Variants in ABCG5 observed in about 807,000 individuals in gnomAD.
ABCG5 encodes ATP-binding cassette sub-family G member 5.
In ABCG5, 64 loss-of-function variants were observed where a neutral mutation model predicts 64.5. That is an observed-to-expected ratio of 0.99 (90% CI 0.81 to 1.22). The LOEUF (loss-of-function observed/expected upper bound fraction) is 1.22, where lower values mean the gene tolerates loss of function less well. ABCG5 is among the 50% of genes most tolerant of loss of function. The pLI, the probability that ABCG5 is intolerant of heterozygous loss-of-function variation, is 0.00. For missense variants in ABCG5, 908 were observed against 829.5 expected (o/e 1.09, Z -1.16); for synonymous variants, 385 against 326.3 (o/e 1.18, Z -1.94).
At position 43,820,034 on chromosome 2, in the gene ABCG5, G is replaced by C. The variant is rs769366950; in HGVS notation, c.1530C>G (p.His510Gln). The stretch of plus-strand genomic sequence containing the variant: ...CAAGAGTTAGAAATTCACCAATTAA[G>C]TGGGGGGCCAAGAGAGCAGCAGAAA... ...GYFSAALLAPHLIGEFLTLVL... is the reference protein window; with the variant it reads ...GYFSAALLAPQLIGEFLTLVL... The change falls in exon 11 of 13, where the codon CAC (histidine) becomes CAG (glutamine). Residue 510 changes from histidine to glutamine, a missense_variant. His to Gln is a conservative substitution (Grantham distance 24). Transcript: ENST00000405322. 1 of 1,614,208 alleles carries C rather than the reference G, an allele frequency of 6.2e-7. No homozygotes were observed. Among genetic ancestry groups the C allele is most frequent in the Non-Finnish European group, 8.5e-7 (1 of 1,180,046 alleles).
chr2:43,810,054 T>C, downstream of ABCG5: 1 of 749,420 alleles, frequency 1.3e-6, no homozygotes, highest in Non-Finnish European at 1.7e-6. Flanking sequence ...TATAAGTTTC[T>C]GCTTATATGT....
chr2:43,839,035 T>A (rs3806471), upstream of ABCG5: 12 of 1,550,232 alleles, frequency 7.7e-6, 1 homozygote, highest in South Asian at 1.3e-4. Context: ...CAGCCCAGGG[T>A]CACAGACCTG....
chr2:43,819,865 A>T (rs368511579), intron 11 of ABCG5, 50 bp downstream of exon 11: 2 of 1,585,642 alleles, frequency 1.3e-6, no homozygotes, highest in Admixed American at 3.3e-5. Flanking sequence ...TTAGGTGATC[A>T]TTAATAACAG....
intron 11 of ABCG5, among the ~76,000 whole-genome samples, chr2:43,817,607 C>G (rs1246064030): frequency 6.6e-6 from 1 of 151,840 alleles, no homozygotes; most frequent in East Asian, 2.0e-4. Flanking sequence ...TGAAAATATT[C>G]TAAGTTAAAA....
chr2:43,838,969 G>A (rs1668455152), upstream of ABCG5: 12 of 1,444,818 alleles, frequency 8.3e-6, no homozygotes, highest in Non-Finnish European at 1.0e-5. The surrounding 1 kb of genome is among the most constrained non-coding windows in gnomAD (Gnocchi z 4.2). Context: ...CCCTGCTCCA[G>A]GAAACAGAGT....
chr2:43,839,012 T>C (rs917064382), upstream of ABCG5: 5 of 1,544,078 alleles, frequency 3.2e-6, no homozygotes, highest in African/African-American at 5.5e-5. Flanking sequence ...AGCAGCTGGG[T>C]CTAAGAGAGC....
chr2:43,815,110 G>C (rs988277406), intron 11 of ABCG5, among the ~76,000 whole-genome samples: 1 of 152,158 alleles, frequency 6.6e-6, no homozygotes, highest in Non-Finnish European at 1.5e-5. Context: ...TAAACAGAAA[G>C]TTGAAGGTAC....
intron 8 of ABCG5, 42 bp from the exon 9 acceptor site, chr2:43,824,160 T>C: frequency 6.2e-7 from 1 of 1,614,112 alleles, no homozygotes; most frequent in East Asian, 2.2e-5. Context: ...TTCAGAATTG[T>C]TATTGGGGGA....
chr2:43,824,233 C>T lies in ABCG5; in HGVS notation c.1104G>A (p.Leu368=). The part of the protein sequence containing the change: ...TKDSPGVFSK[L]GVLLRRVTRN... Reference sequence around the variant, plus strand: ...GAGCCTCTTACCTCAGGAGAACACCCAGTTTAGAGAAAACTCCAGGAGAAT... The same window carrying T: ...GAGCCTCTTACCTCAGGAGAACACCTAGTTTAGAGAAAACTCCAGGAGAAT... Residue 368 remains leucine, a synonymous_variant, in exon 8 of 13, where the codon CTG becomes CTA. Transcript: ENST00000405322. The T allele has an allele frequency of 6.2e-7, 1 of 1,614,206 alleles. No homozygotes were observed.
chr2:43,830,778 G>T (rs1314934376), intron 4 of ABCG5, among the ~76,000 whole-genome samples: 1 of 152,246 alleles, frequency 6.6e-6, no homozygotes, highest in Admixed American at 6.5e-5. Context: ...AGTCTAGAGA[G>T]AAATGAAGCA....
In ABCG5 at chr2:43,821,203, A is replaced by G. The variant is rs149202927; in HGVS notation, c.1464-1103T>C. Among the ~76,000 whole-genome samples the G allele has an allele frequency of 2.4e-3, 372 of 152,254 alleles. 7 individuals are homozygous for G. The highest frequency in any genetic ancestry group is 0.024 in the South Asian group (117 of 4,822). On this transcript the variant is annotated intron_variant, in intron 10 of 12. Coordinates refer to ENST00000405322, the MANE Select transcript of ABCG5 (RefSeq NM_022436.3). ...ATCATGAAGTTTGCTTATGCTATCA[A>G]TGCCGTTCCTCATTGTTGTCTTCTG... is the stretch of plus-strand genomic sequence containing the variant.
At chr2:43,827,240 G>A (rs572197606) in intron 5 of ABCG5, among the ~76,000 whole-genome samples, 4 of 151,288 alleles carry the variant, frequency 2.6e-5, no homozygotes, top group East Asian at 1.9e-4. Context: ...CAGGAGAATC[G>A]CTTCAACCTG....
chr2:43,829,569 T>G (rs891600961), intron 4 of ABCG5, among the ~76,000 whole-genome samples: 20 of 152,236 alleles, frequency 1.3e-4, no homozygotes, highest in Non-Finnish European at 5.9e-5. Flanking sequence ...TTGGCTTTTT[T>G]CCTCCCTCAC....
At position 43,824,904 on chromosome 2, in the gene ABCG5, G is replaced by T; in HGVS notation, c.889C>A (p.Pro297Thr). The stretch of plus-strand genomic sequence containing the variant: ...AAAAACTTACTATAGAAGTCAAAAG[G>T]GTTTGAATGTTCAGGACAAGGGTAA... ...CGYPCPEHSN[P>T]FDFYMDLTSV... The change falls in exon 7 of 13, where the codon CCT becomes ACT. Residue 297 changes from proline to threonine, a missense_variant. Physicochemically the swap from Pro to Thr is conservative, Grantham distance 38. Transcript: ENST00000405322. 2 of 1,613,964 alleles carry T rather than the reference G, an allele frequency of 1.2e-6. No homozygotes were observed. The highest frequency in any genetic ancestry group is 1.7e-6 in the Non-Finnish European group (2 of 1,179,930).
chr2:43,839,151 T>C, upstream of ABCG5: 1 of 1,549,564 alleles, frequency 6.5e-7, no homozygotes, highest in Non-Finnish European at 8.7e-7. Flanking sequence ...CCAGGCCTGG[T>C]GGGCGGGTAG....
chr2:43,813,330 A>T (rs755032783), intron 12 of ABCG5, 21 bp from the exon 13 acceptor site: 2 of 1,554,804 alleles, frequency 1.3e-6, no homozygotes, highest in Non-Finnish European at 1.8e-6. Flanking sequence ...AAAGATTGAC[A>T]GTGTCAGGTG....
rs1275308741 is a variant in ABCG5, at chr2:43,837,957, T to C, written c.144-2A>G. 5.0e-6 allele frequency: 8 copies of C among 1,613,652 alleles called. No individual in the cohort carries two copies. ...TCCCACCAGGGCCTCACGCGGTGGCTTTAAAGGAAACCCCAGGAAGGCAAA... is the reference window on the plus strand; with the variant it reads ...TCCCACCAGGGCCTCACGCGGTGGCCTTAAAGGAAACCCCAGGAAGGCAAA... On this transcript the variant is annotated splice_acceptor_variant, in intron 1 of 12. Coordinates refer to ENST00000405322, the MANE Select transcript of ABCG5 (RefSeq NM_022436.3). LOFTEE classifies it high-confidence loss of function.
chr2:43,808,632 A>C (rs1187476409), downstream of ABCG5, among the ~76,000 whole-genome samples: 1 of 152,218 alleles, frequency 6.6e-6, no homozygotes, highest in African/African-American at 2.4e-5. Flanking sequence ...TGAATTGTAA[A>C]GGTAAGATAT....
chr2:43,825,045 G>C, intron 6 of ABCG5, 27 bp from the exon 7 acceptor site: 4 of 1,612,198 alleles, frequency 2.5e-6, no homozygotes, highest in Non-Finnish European at 3.4e-6. Flanking sequence ...CGTAGTTAGT[G>C]TGTGATCACA....
Sources: gnomAD v4.1 joint callset for allele counts (sites outside exome capture counted in the v4.1 genomes callset) on GRCh38, gnomAD v4.1.1 for gene constraint, Gnocchi (gnomAD v3.1) non-coding constraint, MANE v1.5 for transcripts, NCBI Gene and HGNC (gene_info 2026-07-23, HGNC 2026-07-21) for gene names.